The following EYS variants were observed in gnomAD, a reference collection of about 807,000 sequenced individuals.
The protein encoded by EYS is EGF-like photoreceptor maintenance factor, also known as protein eyes shut homolog.
In EYS, 250 loss-of-function variants were observed where a neutral mutation model predicts 282.1. That is an observed-to-expected ratio of 0.89 (90% CI 0.80 to 0.98). The LOEUF is 0.98. Among genes scored for constraint, EYS ranks in the 50% least tolerant of loss-of-function variants. The pLI, the probability that EYS is intolerant of heterozygous loss-of-function variation, is 0.00. For synonymous variants in EYS, 1,355 were observed against 1,282.9 expected (o/e 1.06, Z -1.20); for missense variants, 4,016 against 3,709.0 (o/e 1.08, Z -2.15).
intron 14 of EYS, among the ~76,000 whole-genome samples, chr6:64,949,365 C>A (rs1177652803): frequency 6.6e-6 from 1 of 151,868 alleles, no homozygotes; most frequent in Non-Finnish European, 1.5e-5. Context: ...TCATTTCATT[C>A]TGCCTCTAGG....
intron 40 of EYS, among the ~76,000 whole-genome samples, chr6:63,764,541 A>T (rs1023267236): frequency 6.6e-6 from 1 of 152,008 alleles, no homozygotes; most frequent in Non-Finnish European, 1.5e-5. Context: ...CTAGTGGTTC[A>T]TTTTATATCT....
chr6:64,711,849 T>C (rs1771224615), intron 22 of EYS, among the ~76,000 whole-genome samples: 1 of 152,168 alleles, frequency 6.6e-6, no homozygotes, highest in African/African-American at 2.4e-5. Context: ...CCGGTCTTTA[T>C]AGGCACAGGA....
At chr6:64,675,671 G>A (rs887637999) in intron 22 of EYS, among the ~76,000 whole-genome samples, 9 of 151,482 alleles carry the variant, frequency 5.9e-5, no homozygotes, top group Admixed American at 3.3e-4. Context: ...CAGGTGATCC[G>A]CCCACCTTGG....
At chr6:64,387,506 T>C (rs936069078) in intron 29 of EYS, among the ~76,000 whole-genome samples, 8 of 152,292 alleles carry the variant, frequency 5.3e-5, no homozygotes, top group African/African-American at 1.9e-4. Context: ...ATGTAATTTA[T>C]GAAAGGTTTT....
intron 1 of EYS, among the ~76,000 whole-genome samples, chr6:65,702,519 T>G (rs1014275531): frequency 1.3e-5 from 2 of 151,978 alleles, no homozygotes; most frequent in Non-Finnish European, 2.9e-5. Flanking sequence ...CGGTGAAAGC[T>G]TGTCTCTACT....
intron 22 of EYS, among the ~76,000 whole-genome samples, chr6:64,658,000 T>A (rs9354008): frequency 1.3e-5 from 2 of 151,976 alleles, no homozygotes; most frequent in Non-Finnish European, 2.9e-5. Flanking sequence ...ACCAATCAGA[T>A]GTAGATTTGG....
chr6:64,913,717 T>C lies in EYS; in HGVS notation c.2382-974A>G, dbSNP rs143642851. ...CTTGTGAATAGCACTATGATAAACA[T>C]ATGAGTGAAGTTGTCTTTTTGGTAG... On this transcript the variant is annotated intron_variant, in intron 15 of 42. Coordinates refer to ENST00000503581, the MANE Select transcript of EYS (RefSeq NM_001142800.2). 2.0e-5 allele frequency among the ~76,000 whole-genome samples: 3 copies of C among 152,278 alleles called. No homozygotes were observed. In the East Asian group the frequency reaches 5.8e-4, roughly 29 times the overall value.
rs985211023 is a variant in EYS at position 63,762,529 on chromosome 6, C to A, written c.8003G>T (p.Cys2668Phe). Residue 2668 changes from cysteine to phenylalanine, a missense_variant, in exon 41 of 43, where the codon TGC becomes TTC. Transcript: ENST00000503581. Reference sequence around the variant, plus strand: ...GGTGTATCCATGAGGTAATGAAATGCAGGTTGCTCCTCTGCTACAGTGGTG... The same window carrying A: ...GGTGTATCCATGAGGTAATGAAATGAAGGTTGCTCCTCTGCTACAGTGGTG... ...PPHHCSRGATCISLPHGYTCF... is the reference protein window; with the variant it reads ...PPHHCSRGATFISLPHGYTCF... The A allele has an allele frequency of 2.5e-5, 38 of 1,550,286 alleles. No homozygotes were observed. Among genetic ancestry groups the A allele is most frequent in the Admixed American group, 2.0e-4 (10 of 50,930 alleles).
chr6:65,522,749 A>G (rs1767419207), intron 2 of EYS, among the ~76,000 whole-genome samples: 1 of 152,134 alleles, frequency 6.6e-6, no homozygotes, highest in Non-Finnish European at 1.5e-5. Flanking sequence ...ATCTTCCCTT[A>G]TATTCTCACA....
intron 2 of EYS, among the ~76,000 whole-genome samples, chr6:65,558,567 T>A (rs1421516151): frequency 2.6e-5 from 4 of 152,136 alleles, no homozygotes; most frequent in Non-Finnish European, 5.9e-5. Flanking sequence ...AGATTGCACA[T>A]CCCCAGTCAA....
At chr6:65,523,907 T>G (rs1767463895) in intron 2 of EYS, among the ~76,000 whole-genome samples, 1 of 152,192 alleles carries the variant, frequency 6.6e-6, no homozygotes. Flanking sequence ...GTCTCACTCT[T>G]GTCGCCTAGT....
intron 35 of EYS, among the ~76,000 whole-genome samples, chr6:63,933,675 G>A (rs1044662375): frequency 9.9e-5 from 15 of 152,082 alleles, no homozygotes; most frequent in Non-Finnish European, 4.4e-5. Flanking sequence ...AGCCTCCATC[G>A]TGAAGCTATC....
chr6:64,642,454 T>C (rs893330196), intron 22 of EYS, among the ~76,000 whole-genome samples: 2 of 152,222 alleles, frequency 1.3e-5, no homozygotes, highest in African/African-American at 4.8e-5. Context: ...ATCGATATAT[T>C]CTTTTCTTCC....
intron 2 of EYS, among the ~76,000 whole-genome samples, chr6:65,523,858 C>T (rs1037305636): frequency 6.6e-6 from 1 of 152,046 alleles, no homozygotes; most frequent in Admixed American, 6.6e-5. Flanking sequence ...TCCTTACAGC[C>T]AACGTGGAAT....
chr6:64,786,609 G>A (rs528701432), intron 22 of EYS, among the ~76,000 whole-genome samples: 1 of 152,162 alleles, frequency 6.6e-6, no homozygotes, highest in East Asian at 1.9e-4. Context: ...ACACCATACC[G>A]GGGTCCCCAC....
At chr6:65,186,911 G>T (rs1308818781) in intron 12 of EYS, among the ~76,000 whole-genome samples, 1 of 151,726 alleles carries the variant, frequency 6.6e-6, no homozygotes. Flanking sequence ...TGGAAAATAT[G>T]CTGAGGCAAG....
chr6:65,409,628 T>C (rs1209552156), intron 5 of EYS, among the ~76,000 whole-genome samples: 1 of 152,186 alleles, frequency 6.6e-6, no homozygotes, highest in Non-Finnish European at 1.5e-5. Flanking sequence ...GTATTCGTAC[T>C]TCAAGTTTAT....
At chr6:64,757,575 C>T (rs566092148) in intron 22 of EYS, among the ~76,000 whole-genome samples, 1 of 152,138 alleles carries the variant, frequency 6.6e-6, no homozygotes, top group South Asian at 2.1e-4. Flanking sequence ...ATGTATGCAT[C>T]TGCTTAACCA....
chr6:64,961,459 A>G (rs1286837122), intron 14 of EYS, among the ~76,000 whole-genome samples: 3 of 152,042 alleles, frequency 2.0e-5, no homozygotes, highest in Non-Finnish European at 4.4e-5. Flanking sequence ...TATCATATAT[A>G]TATATATATA....
Sources: gnomAD v4.1 joint callset for allele counts (sites outside exome capture counted in the v4.1 genomes callset) on GRCh38, gnomAD v4.1.1 for gene constraint, MANE v1.5 for transcripts, NCBI Gene and HGNC (gene_info 2026-07-23, HGNC 2026-07-21) for gene names.